RBFOX1: variants seen among roughly 807,000 people sequenced by gnomAD.
RBFOX1 encodes RNA binding fox-1 homolog 1, also known as RNA binding protein fox-1 homolog 1.
Under a neutral mutation model 57.7 loss-of-function variants are expected in RBFOX1, and 8 were observed. That is an observed-to-expected ratio of 0.14 (90% confidence interval 0.08 to 0.25). RBFOX1 has a LOEUF of 0.25. RBFOX1 is among the 10% of genes least tolerant of loss of function. The pLI is 1.00. For missense variants in RBFOX1, 611 were observed against 548.5 expected (o/e 1.11, Z -1.14); for synonymous variants, 326 against 222.4 (o/e 1.47, Z -4.15).
chr16:5,491,292 C>T lies in RBFOX1; in HGVS notation c.258+24038C>T, dbSNP rs111992955. ...ATTACCAGCCACCCCGAGCCACCCA[C>T]CTAGCGACTCGGCAGCCACCCTCCC... On this transcript the variant is annotated intron_variant, in intron 2 of 2. Transcript: ENST00000585867. Among the ~76,000 whole-genome samples, 1,396 of 152,274 alleles carry T rather than the reference C, an allele frequency of 9.2e-3. 25 individuals are homozygous for T. The highest frequency in any genetic ancestry group is 0.032 in the African/African-American group (1,333 of 41,550).
At chr16:7,000,586 C>CTTTT (rs149516490) in intron 3 of RBFOX1, among the ~76,000 whole-genome samples, 29 of 95,834 alleles carry the variant, frequency 3.0e-4, no homozygotes, top group African/African-American at 9.5e-4. Flanking sequence ...TTTTTTCTTT[C>CTTTT]TTTTTCTTTC....
intron 3 of RBFOX1, among the ~76,000 whole-genome samples, chr16:5,834,730 GATACATAC>G (rs763479891): frequency 0.042 from 6,147 of 146,018 alleles, 380 homozygotes; most frequent in African/African-American, 0.12. Flanking sequence ...TAGATACATA[GATACATAC>G]ATACATACAT....
At chr16:6,645,977 G>A (rs1252551172) in intron 2 of RBFOX1, among the ~76,000 whole-genome samples, 1 of 152,136 alleles carries the variant, frequency 6.6e-6, no homozygotes, top group Non-Finnish European at 1.5e-5. Flanking sequence ...AATCCCATCT[G>A]TCGCCAGCAA....
At chr16:6,414,660 C>A (rs1209023857) in intron 2 of RBFOX1, among the ~76,000 whole-genome samples, 1 of 152,158 alleles carries the variant, frequency 6.6e-6, no homozygotes, top group Admixed American at 6.5e-5. Flanking sequence ...GATAGCTGTG[C>A]CCATGGATTG....
intron 1 of RBFOX1, among the ~76,000 whole-genome samples, chr16:5,265,693 G>C (rs1421696694): frequency 6.6e-6 from 1 of 152,142 alleles, no homozygotes; most frequent in African/African-American, 2.4e-5. Flanking sequence ...CTTTCCTAGA[G>C]GGGAAGACTT....
chr16:5,976,706 T>G (rs570820894), intron 4 of RBFOX1, among the ~76,000 whole-genome samples: 1 of 152,130 alleles, frequency 6.6e-6, no homozygotes, highest in East Asian at 1.9e-4. Context: ...TTGTTTCTAC[T>G]AAAAATACAA....
chr16:7,296,918 C>G (rs796965257), intron 4 of RBFOX1, among the ~76,000 whole-genome samples: 1 of 152,124 alleles, frequency 6.6e-6, no homozygotes, highest in Non-Finnish European at 1.5e-5. Flanking sequence ...TGTTTACCCT[C>G]AAAAATGTGA....
intron 4 of RBFOX1, among the ~76,000 whole-genome samples, chr16:7,377,259 C>A (rs2097701516): frequency 1.3e-5 from 2 of 152,158 alleles, no homozygotes; most frequent in Non-Finnish European, 2.9e-5. Context: ...CAGTGACCTC[C>A]AATGCTCCTG....
At chr16:5,904,472 C>T (rs1032656323) in intron 4 of RBFOX1, among the ~76,000 whole-genome samples, 1 of 151,730 alleles carries the variant, frequency 6.6e-6, no homozygotes, top group African/African-American at 2.4e-5. Flanking sequence ...CTAAAAGCCT[C>T]TGAGAGAGAA....
chr16:6,529,583 TATA>T (rs1308475935), intron 2 of RBFOX1, among the ~76,000 whole-genome samples: 2 of 150,730 alleles, frequency 1.3e-5, no homozygotes, highest in East Asian at 2.0e-4. Context: ...TTATTAATAA[TATA>T]TTATTATTTA....
intron 4 of RBFOX1, among the ~76,000 whole-genome samples, chr16:7,509,955 T>C (rs377272651): frequency 7.1e-6 from 1 of 139,990 alleles, no homozygotes; most frequent in East Asian, 2.0e-4. Flanking sequence ...ATTAATGTGG[T>C]CGAGCAGTGG....
At chr16:6,569,700 A>G (rs769854394) in intron 2 of RBFOX1, among the ~76,000 whole-genome samples, 1 of 152,172 alleles carries the variant, frequency 6.6e-6, no homozygotes, top group African/African-American at 2.4e-5. Context: ...CCTTGACAAT[A>G]ACAGCTTACC....
chr16:5,800,792 G>C (rs8059231), intron 3 of RBFOX1, among the ~76,000 whole-genome samples: 2 of 151,912 alleles, frequency 1.3e-5, no homozygotes, highest in Non-Finnish European at 2.9e-5. Flanking sequence ...AGACGTCCTA[G>C]TGCCATTGGA....
At chr16:7,111,098 C>G (rs1332838866) in intron 4 of RBFOX1, among the ~76,000 whole-genome samples, 3 of 152,180 alleles carry the variant, frequency 2.0e-5, no homozygotes, top group African/African-American at 7.2e-5. Flanking sequence ...TTCACTATGT[C>G]GAGACATGTG....
intron 4 of RBFOX1, among the ~76,000 whole-genome samples, chr16:7,493,304 G>C (rs2067528779): frequency 6.6e-6 from 1 of 152,190 alleles, no homozygotes; most frequent in South Asian, 2.1e-4. Flanking sequence ...TCCTGTGTTA[G>C]ACAGTACAGA....
chr16:6,147,038 C>T lies in RBFOX1; in HGVS notation c.-127+127046C>T, dbSNP rs187898747. Among the ~76,000 whole-genome samples the T allele has an allele frequency of 5.3e-5, 8 of 152,274 alleles. No individual in the cohort carries two copies. In the East Asian group the frequency reaches 9.7e-4, roughly 18 times the overall value. On this transcript the variant is annotated intron_variant, in intron 1 of 15. Coordinates refer to ENST00000550418, the MANE Select transcript of RBFOX1 (RefSeq NM_018723.4). The stretch of plus-strand genomic sequence containing the variant: ...ATCTGTAGACTCACTGCATCAGCAT[C>T]GCCTTGGGAGCTTGTTAGAGATACA...
At chr16:6,023,415 C>T (rs891932184) in intron 1 of RBFOX1, among the ~76,000 whole-genome samples, 1 of 152,114 alleles carries the variant, frequency 6.6e-6, no homozygotes, top group African/African-American at 2.4e-5. Flanking sequence ...TTATCAAAGT[C>T]CTTTCTGATA....
intron 4 of RBFOX1, among the ~76,000 whole-genome samples, chr16:5,884,842 C>G (rs913423773): frequency 1.3e-5 from 2 of 152,062 alleles, no homozygotes; most frequent in African/African-American, 4.8e-5. Context: ...GGCTTTGGTG[C>G]TCTGGAGGCA....
chr16:7,515,835 C>T (rs992720410), intron 4 of RBFOX1, among the ~76,000 whole-genome samples: 1 of 151,230 alleles, frequency 6.6e-6, no homozygotes, highest in African/African-American at 2.4e-5. Context: ...AGTGGCAGTT[C>T]GTTGTTGTTG....
Sources: allele counts gnomAD v4.1 joint callset (sites outside exome capture counted in the v4.1 genomes callset), GRCh38; gene constraint gnomAD v4.1.1; transcripts MANE v1.5; gene names NCBI Gene and HGNC (gene_info 2026-07-23, HGNC 2026-07-21).